MYO15B: variants seen among roughly 807,000 people sequenced by gnomAD.
MYO15B encodes the protein myosin XVB pseudogene.
MYO15B carries 207 observed loss-of-function variants against 119.3 expected under a neutral mutation model. The ratio of observed to expected loss-of-function variants is 1.73; its 90% CI spans 1.55 to 1.95. The LOEUF (loss-of-function observed/expected upper bound fraction) is 1.95. MYO15B is among the 30% of genes most tolerant of loss of function. The probability of loss-of-function intolerance (pLI) is 0.00; values close to 1 mark genes in which losing one functional copy is unlikely to be tolerated. For synonymous variants in MYO15B, 966 were observed against 498.9 expected (o/e 1.94, Z -12.48); for missense variants, 2,264 against 1,203.1 (o/e 1.88, Z -13.04).
intron 21 of MYO15B, among the ~76,000 whole-genome samples, chr17:75,607,473 T>C (rs1156751473): frequency 1.3e-5 from 2 of 150,426 alleles, no homozygotes; most frequent in Non-Finnish European, 3.0e-5. Flanking sequence ...TTATTTGAGA[T>C]GGAGTCTTGC....
At chr17:75,595,521 C>T (rs928372710) in intron 12 of MYO15B, among the ~76,000 whole-genome samples, 4 of 152,218 alleles carry the variant, frequency 2.6e-5, no homozygotes, top group Non-Finnish European at 4.4e-5. Flanking sequence ...TGAGGTCCAG[C>T]GTTCCCGTCT....
exon 59 of MYO15B, chr17:75,624,779 G>A (rs1568236839): frequency 1.4e-6 from 1 of 702,826 alleles, no homozygotes; most frequent in Non-Finnish European, 2.6e-6. Flanking sequence ...AGGCCAGCTG[G>A]TGCGGCCCCT....
At position 75,601,849 on chromosome 17, in the gene MYO15B, C is replaced by T. The variant is rs2057306165; in HGVS notation, c.3651+286C>T. 4.6e-5 allele frequency among the ~76,000 whole-genome samples: 7 copies of T among 152,252 alleles called. No individual in the cohort carries two copies. The South Asian group carries it at 1.2e-3, about 27-fold the overall frequency. ...TTGGCAGTTTACTTCGCCTTCTGAG[C>T]CTCCGTTTCCTCACCTGTAAAATGG... is the stretch of plus-strand genomic sequence containing the variant. On this transcript the variant is annotated intron_variant, in intron 15 of 63. Transcript: ENST00000645453.
At chr17:75,625,580 C>T (rs1019011410) in exon 61 of MYO15B, 2 of 702,936 alleles carry the variant, frequency 2.8e-6, no homozygotes, top group African/African-American at 3.5e-5. Context: ...GTGAACACGG[C>T]CTCCATCAAG....
exon 12 of MYO15B, chr17:75,594,960 C>T (rs1424103397): frequency 1.4e-6 from 1 of 703,074 alleles, no homozygotes; most frequent in East Asian, 2.7e-5. Flanking sequence ...TCGTGGATGC[C>T]TACGGCTTTG....
exon 43 of MYO15B, chr17:75,618,139 G>A (rs1006939445): frequency 2.1e-5 from 15 of 703,162 alleles, no homozygotes; most frequent in African/African-American, 8.7e-5. Flanking sequence ...TTCTACCCAC[G>A]GGAGAACTTC....
chr17:75,625,744 G>A (rs1358555056), intron 61 of MYO15B, 84 bp downstream of exon 61: 6 of 701,044 alleles, frequency 8.6e-6, no homozygotes, highest in African/African-American at 1.7e-5. Context: ...GGAGGGGTCT[G>A]CGCCTGCCCT....
chr17:75,594,614 G>A, intron 10 of MYO15B, 26 bp downstream of exon 10: 1 of 689,152 alleles, frequency 1.5e-6, no homozygotes, highest in Non-Finnish European at 2.7e-6. Context: ...CTGGGGAGAG[G>A]GGCCTGGCCT....
exon 23 of MYO15B, chr17:75,610,902 T>C: frequency 1.4e-6 from 1 of 702,942 alleles, no homozygotes; most frequent in African/African-American, 1.7e-5. Context: ...TCCAACAGCT[T>C]GGGCGTTGGC....
rs1952639357 is a variant in MYO15B at position 75,614,344 on chromosome 17, ATCAC to A, written c.5368_5371del (p.Thr1790LeufsTer57). 2.8e-6 allele frequency: 2 copies of A among 702,444 alleles called. No individual in the cohort carries two copies. The highest frequency in any genetic ancestry group is 5.2e-6 in the Non-Finnish European group (2 of 384,838). The allele number at this position is 702,444 out of a possible 1,614,324, so 43.5% of individuals were successfully genotyped here. ...CCCAGCTCGCCCCCGCAGCTACCCC[ATCAC>A]TCCTCTTGGCTCGTAGGTGCCACCC... On this transcript the variant is annotated frameshift_variant, in exon 30 of 64. Transcript: ENST00000645453. LOFTEE classifies it high-confidence loss of function.
chr17:75,626,140 G>A (rs2059044155), exon 63 of MYO15B: 2 of 702,980 alleles, frequency 2.8e-6, no homozygotes, highest in Non-Finnish European at 5.2e-6. Context: ...CACCTGCTAA[G>A]CCCTCTGGAG....
chr17:75,603,239 GC>G lies in MYO15B; in HGVS notation c.3945del (p.Ile1316TyrfsTer46). 1.4e-6 allele frequency: 1 copy of G among 703,118 alleles called. No homozygotes were observed. Among genetic ancestry groups the G allele is most frequent in the South Asian group, 1.5e-5 (1 of 67,606 alleles). The allele number at this position is 703,118 out of a possible 1,614,324, so 43.6% of individuals were successfully genotyped here. On this transcript the variant is annotated frameshift_variant, in exon 19 of 64. Transcript: ENST00000645453. LOFTEE classifies it high-confidence loss of function. The stretch of plus-strand genomic sequence containing the variant: ...TGTGACAGAGCAACTGCACCAGGCA[GC>G]CATACTGGAGGCCGTGGGCACCCGC...
intron 14 of MYO15B, among the ~76,000 whole-genome samples, chr17:75,599,625 G>C (rs2057110540): frequency 6.6e-6 from 1 of 151,834 alleles, no homozygotes; most frequent in African/African-American, 2.4e-5. Flanking sequence ...AGCACATGTA[G>C]GCCGGGCGCG....
At position 75,612,779 on chromosome 17, in the gene MYO15B, G is replaced by A; in HGVS notation, c.4636-19G>A. 1 of 702,986 alleles carries A rather than the reference G, an allele frequency of 1.4e-6. No homozygotes were observed. Among genetic ancestry groups the A allele is most frequent in the Middle Eastern group, 2.3e-4 (1 of 4,368 alleles). 43.5% of individuals were successfully genotyped at this position (702,986 alleles called of 1,614,324 possible). On this transcript the variant is annotated intron_variant, in intron 25 of 63. Transcript: ENST00000645453. ...CTGATAGCTGGTGAGCATGGACTGA[G>A]CCCTCTCCTTCCTTGCAGGAACCGT...
At chr17:75,610,538 G>A (rs1401089495) in intron 22 of MYO15B, among the ~76,000 whole-genome samples, 2 of 152,116 alleles carry the variant, frequency 1.3e-5, no homozygotes, top group African/African-American at 2.4e-5. Context: ...CCTGGGCCCC[G>A]TCCGCTCCCC....
intron 33 of MYO15B, 28 bp downstream of exon 33, chr17:75,615,070 G>C (rs2058283042): frequency 1.4e-6 from 1 of 698,048 alleles, no homozygotes; most frequent in East Asian, 2.7e-5. Flanking sequence ...TCCTCACCCA[G>C]GGCCTCCGGG....
At chr17:75,590,006 G>GCGC in exon 1 of MYO15B, 1 of 398,800 alleles carries the variant, frequency 2.5e-6, no homozygotes, top group Non-Finnish European at 4.4e-6. Flanking sequence ...CCTAGGCTTG[G>GCGC]CGCCGCCGTG....
At chr17:75,609,024 G>A (rs978390254) in intron 21 of MYO15B, among the ~76,000 whole-genome samples, 1 of 151,898 alleles carries the variant, frequency 6.6e-6, no homozygotes, top group East Asian at 2.0e-4. Context: ...GAGCCACCAC[G>A]CCTGGCCTTT....
At chr17:75,613,066 G>A in exon 27 of MYO15B, 1 of 702,438 alleles carries the variant, frequency 1.4e-6, no homozygotes, top group African/African-American at 1.7e-5. Flanking sequence ...GCCGGCCAGG[G>A]CTGCGGAATG....
Sources: gnomAD v4.1 joint callset for allele counts (sites outside exome capture counted in the v4.1 genomes callset) on GRCh38, gnomAD v4.1.1 for gene constraint, MANE v1.5 for transcripts, NCBI Gene and HGNC (gene_info 2026-07-23, HGNC 2026-07-21) for gene names.